Variants in GABBR2 observed in about 807,000 individuals in gnomAD.
GABBR2 encodes G-protein coupled receptor 51.
A neutral mutation model predicts 105.6 loss-of-function variants in GABBR2; 23 were observed. That is an observed-to-expected ratio of 0.22 (90% confidence interval 0.16 to 0.31). The LOEUF is 0.31. GABBR2 is among the 10% of genes least tolerant of loss of function. The probability of loss-of-function intolerance (pLI) is 1.00; values close to 1 mark genes in which losing one functional copy is unlikely to be tolerated. For synonymous variants in GABBR2, 478 were observed against 499.7 expected (o/e 0.96, Z 0.58); for missense variants, 734 against 1,245.5 (o/e 0.59, Z 6.18).
intron 3 of GABBR2, among the ~76,000 whole-genome samples, chr9:98,524,914 AAAT>A (rs1827930163): frequency 6.6e-6 from 1 of 152,242 alleles, no homozygotes; most frequent in African/African-American, 2.4e-5. Context: ...TTTAATGAAG[AAAT>A]AATAATCTTT....
chr9:98,595,906 A>G (rs979154110), intron 1 of GABBR2, among the ~76,000 whole-genome samples: 1 of 152,134 alleles, frequency 6.6e-6, no homozygotes, highest in African/African-American at 2.4e-5. Context: ...CAGGTCCCCA[A>G]ACCCTTAAGA....
At chr9:98,669,734 C>G (rs1477243096) in intron 1 of GABBR2, among the ~76,000 whole-genome samples, 1 of 152,064 alleles carries the variant, frequency 6.6e-6, no homozygotes, top group Non-Finnish European at 1.5e-5. Context: ...ATTCATCACT[C>G]CACAAATACA....
intron 2 of GABBR2, among the ~76,000 whole-genome samples, chr9:98,551,838 C>T (rs1420570806): frequency 6.6e-6 from 1 of 152,146 alleles, no homozygotes; most frequent in African/African-American, 2.4e-5. Context: ...AAGTCATTTC[C>T]CCCCTTTTAG....
chr9:98,449,344 A>G (rs1826192516), intron 7 of GABBR2, among the ~76,000 whole-genome samples: 1 of 152,164 alleles, frequency 6.6e-6, no homozygotes, highest in African/African-American at 2.4e-5. Context: ...GGGGCCAGGG[A>G]CCGTATGTTA....
chr9:98,667,561 G>A (rs978737533), intron 1 of GABBR2, among the ~76,000 whole-genome samples: 1 of 152,150 alleles, frequency 6.6e-6, no homozygotes. Flanking sequence ...CCCTTGCCTT[G>A]ATTTGGGACA....
chr9:98,628,369 T>A (rs1052898500), intron 1 of GABBR2, among the ~76,000 whole-genome samples: 5 of 152,212 alleles, frequency 3.3e-5, no homozygotes, highest in African/African-American at 1.2e-4. Context: ...GCAGGGTAGC[T>A]AATTATCTAA....
intron 13 of GABBR2, among the ~76,000 whole-genome samples, chr9:98,356,812 T>C (rs1476928655): frequency 1.3e-5 from 2 of 152,154 alleles, no homozygotes; most frequent in Admixed American, 6.5e-5. Flanking sequence ...ATCCAGGAAA[T>C]AGGACATTAT....
chr9:98,415,824 T>C lies in GABBR2; in HGVS notation c.1237-9683A>G, dbSNP rs78570074. On this transcript the variant is annotated intron_variant, in intron 7 of 18. Coordinates refer to ENST00000259455, the MANE Select transcript of GABBR2 (RefSeq NM_005458.8). ...GCAAAAGGACTGGGACCCACCTCAG[T>C]TGTGTCAACTTTAAGCTCATGCTTC... Among the ~76,000 whole-genome samples, 738 of 152,254 alleles carry C rather than the reference T, an allele frequency of 4.8e-3. 9 individuals carry two copies. Among genetic ancestry groups the C allele is most frequent in the African/African-American group, 0.016 (681 of 41,542 alleles).
chr9:98,708,241 G>A (rs1213295067), intron 1 of GABBR2, among the ~76,000 whole-genome samples, 176 bp downstream of exon 1: 1 of 151,876 alleles, frequency 6.6e-6, no homozygotes, highest in Non-Finnish European at 1.5e-5. Flanking sequence ...TACCAGCTGT[G>A]CCAGCCAAGC....
intron 2 of GABBR2, among the ~76,000 whole-genome samples, chr9:98,554,528 G>A (rs74762438): frequency 0.062 from 9,001 of 144,388 alleles, 454 homozygotes; most frequent in African/African-American, 0.14. Context: ...CATCCTGGAC[G>A]TTCTTCTTTT....
intron 1 of GABBR2, among the ~76,000 whole-genome samples, chr9:98,702,078 C>T (rs1178093571): frequency 1.3e-5 from 2 of 152,048 alleles, no homozygotes; most frequent in African/African-American, 2.4e-5. Context: ...GATGAAGAAA[C>T]CGAGGCAAAC....
intron 3 of GABBR2, among the ~76,000 whole-genome samples, chr9:98,539,849 G>T (rs1828255359): frequency 6.7e-6 from 1 of 149,396 alleles, no homozygotes; most frequent in Non-Finnish European, 1.5e-5. Flanking sequence ...CCAGGAGGCA[G>T]AGGTTGCAAT....
chr9:98,335,191 C>T (rs1263619686), intron 13 of GABBR2, among the ~76,000 whole-genome samples: 2 of 152,122 alleles, frequency 1.3e-5, no homozygotes, highest in Non-Finnish European at 2.9e-5. Flanking sequence ...AATGCTAACA[C>T]AAAGATTTTC....
At chr9:98,348,682 T>C (rs1036646877) in intron 13 of GABBR2, among the ~76,000 whole-genome samples, 9 of 152,236 alleles carry the variant, frequency 5.9e-5, no homozygotes, top group Admixed American at 2.6e-4. Context: ...ACATTTTTTG[T>C]AGCTATTATA....
At position 98,288,660 on chromosome 9, in the gene GABBR2, T is replaced by C. The variant is rs918494299; in HGVS notation, c.*1924A>G. ...AATCAAGAAAGCAAGTAAATACTGG[T>C]AATACACAGTGAGTGACAACACCGA... On this transcript the variant is annotated 3_prime_UTR_variant, in exon 19 of 19. Coordinates refer to ENST00000259455, the MANE Select transcript of GABBR2 (RefSeq NM_005458.8). 1 of 152,630 alleles carries C rather than the reference T, an allele frequency of 6.6e-6. No homozygotes were observed. Among genetic ancestry groups the C allele is most frequent in the Non-Finnish European group, 1.5e-5 (1 of 68,032 alleles). 9.5% of individuals were successfully genotyped at this position (152,630 alleles called of 1,614,324 possible).
At chr9:98,476,145 C>T (rs1826789010) in intron 5 of GABBR2, among the ~76,000 whole-genome samples, 1 of 152,170 alleles carries the variant, frequency 6.6e-6, no homozygotes, top group Admixed American at 6.5e-5. Context: ...AGATTTTCTT[C>T]ACACATGTGA....
intron 13 of GABBR2, among the ~76,000 whole-genome samples, chr9:98,330,910 T>TC (rs1831013888): frequency 6.6e-6 from 1 of 152,094 alleles, no homozygotes; most frequent in Non-Finnish European, 1.5e-5. Context: ...TCTCCATCTC[T>TC]CCTTCCCTAG....
intron 4 of GABBR2, among the ~76,000 whole-genome samples, chr9:98,486,552 C>A (rs1003730387): frequency 1.3e-5 from 2 of 152,204 alleles, no homozygotes; most frequent in African/African-American, 2.4e-5. Context: ...TGTCTGGAAT[C>A]TCCTGCCACC....
chr9:98,620,269 C>CTCTCT (rs10693334), intron 1 of GABBR2, among the ~76,000 whole-genome samples: 2 of 150,662 alleles, frequency 1.3e-5, no homozygotes, highest in African/African-American at 2.4e-5. Flanking sequence ...CTCTCTCTCT[C>CTCTCT]CCCGCTCCCA....
Sources: allele counts gnomAD v4.1 joint callset (sites outside exome capture counted in the v4.1 genomes callset), GRCh38; gene constraint gnomAD v4.1.1; transcripts MANE v1.5; gene names NCBI Gene and HGNC (gene_info 2026-07-23, HGNC 2026-07-21).